The following BEND3 variants were observed in gnomAD, a reference collection of about 807,000 sequenced individuals.
The protein encoded by BEND3 is BEN domain-containing protein 3.
A neutral mutation model predicts 60.1 loss-of-function variants in BEND3; 13 were observed. That is an observed-to-expected ratio of 0.22 (90% CI 0.14 to 0.34). The LOEUF (loss-of-function observed/expected upper bound fraction) is 0.34, where lower values mean the gene tolerates loss of function less well. Ranked by LOEUF, BEND3 falls within the 10% of genes least tolerant of loss-of-function variation. BEND3 has a pLI of 1.00. For synonymous variants in BEND3, 497 were observed against 491.5 expected, an observed-to-expected ratio of 1.01 and a Z score of -0.15; for missense variants, 896 against 1,138.1, an observed-to-expected ratio of 0.79 and a Z score of 3.06.
chr6:107,072,152 C>T (rs562852923), intron 3 of BEND3, among the ~76,000 whole-genome samples: 3 of 152,208 alleles, frequency 2.0e-5, no homozygotes, highest in Non-Finnish European at 2.9e-5. Flanking sequence ...AGCAGGGAGC[C>T]TTTGCTCCCA....
chr6:107,093,618 C>T (rs1316785631), intron 3 of BEND3, among the ~76,000 whole-genome samples: 1 of 152,172 alleles, frequency 6.6e-6, no homozygotes, highest in Admixed American at 6.5e-5. Context: ...TGCATAAAGA[C>T]AGTCAACGGA....
Position 107,069,337 on chromosome 6 carries a change from C to T in BEND3, c.1854G>A (p.Val618=). The change falls in exon 4 of 4, where the codon GTG becomes GTA. Residue 618 remains valine (V), a synonymous_variant. Transcript: ENST00000369042. The part of the protein sequence containing the change: ...PSRIKLIRHY[V]QLLYPRAKND... ...TTTTGGCGCGTGGGTAGAGCAGCTG[C>T]ACGTAGTGGCGGATGAGCTTGATGC... 6.2e-7 allele frequency: 1 copy of T among 1,613,466 alleles called. No individual in the cohort carries two copies. Among genetic ancestry groups the T allele is most frequent in the Non-Finnish European group, 8.5e-7 (1 of 1,179,954 alleles).
chr6:107,100,690 C>A (rs1554236665), intron 1 of BEND3, among the ~76,000 whole-genome samples: 1 of 152,160 alleles, frequency 6.6e-6, no homozygotes, highest in East Asian at 1.9e-4. Context: ...ACAAAACAAA[C>A]AAAATTACCA....
intron 3 of BEND3, among the ~76,000 whole-genome samples, chr6:107,074,832 T>C (rs1775065490): frequency 6.6e-6 from 1 of 152,116 alleles, no homozygotes; most frequent in Non-Finnish European, 1.5e-5. Flanking sequence ...CCGGGCACGG[T>C]GGCTCATGCC....
intron 3 of BEND3, among the ~76,000 whole-genome samples, chr6:107,081,218 C>G (rs1450225942): frequency 6.7e-6 from 1 of 149,972 alleles, no homozygotes; most frequent in African/African-American, 2.5e-5. Context: ...TCAATTTACA[C>G]AAACTTTTTT....
At chr6:107,105,644 C>T (rs1775797804) in intron 1 of BEND3, among the ~76,000 whole-genome samples, 1 of 152,150 alleles carries the variant, frequency 6.6e-6, no homozygotes, top group Admixed American at 6.5e-5. Context: ...GCCTGTGGGC[C>T]GGGGAGTCAC....
chr6:107,086,197 T>G (rs1775343209), intron 3 of BEND3, among the ~76,000 whole-genome samples: 1 of 152,270 alleles, frequency 6.6e-6, no homozygotes, highest in Admixed American at 6.5e-5. Context: ...CAACTCCAGC[T>G]CCTGCCTTTC....
intron 1 of BEND3, among the ~76,000 whole-genome samples, chr6:107,105,213 A>G (rs1428297400): frequency 6.6e-6 from 1 of 152,010 alleles, no homozygotes; most frequent in Non-Finnish European, 1.5e-5. Context: ...TCTACTAAAA[A>G]TACAAAAATT....
chr6:107,080,595 G>C lies in BEND3; in HGVS notation c.241-9645C>G, dbSNP rs117737245. 8.9e-4 allele frequency among the ~76,000 whole-genome samples: 136 copies of C among 152,124 alleles called. 3 individuals are homozygous for C. The East Asian group carries it at 0.021, about 24-fold the overall frequency. ...CAGATGGATTGTTCTAAAGTCCCCAGGGTTGGCTGGGCACAGTGGCTCAAG... is the reference window on the plus strand; with the variant it reads ...CAGATGGATTGTTCTAAAGTCCCCACGGTTGGCTGGGCACAGTGGCTCAAG... On this transcript the variant is annotated intron_variant, in intron 3 of 3. Coordinates refer to ENST00000369042, the MANE Select transcript of BEND3 (RefSeq NM_001367314.1).
At chr6:107,091,549 T>C (rs1221231333) in intron 3 of BEND3, among the ~76,000 whole-genome samples, 1 of 152,154 alleles carries the variant, frequency 6.6e-6, no homozygotes, top group Non-Finnish European at 1.5e-5. Flanking sequence ...ACAAATTTGA[T>C]AACCTAGAGG....
At chr6:107,104,678 A>AT (rs781882799) in intron 1 of BEND3, among the ~76,000 whole-genome samples, 2,725 of 141,372 alleles carry the variant, frequency 0.019, 82 homozygotes, top group East Asian at 0.18. Flanking sequence ...TTTCTTTTGG[A>AT]TTTTTTTTTT....
chr6:107,098,798 G>T (rs1192882025), intron 2 of BEND3, 45 bp from the exon 3 acceptor site: 2 of 1,551,904 alleles, frequency 1.3e-6, no homozygotes, highest in African/African-American at 1.4e-5. Context: ...AACCAGGGCT[G>T]CTCAGAGATC....
At chr6:107,080,449 CCA>C (rs1554233394) in intron 3 of BEND3, among the ~76,000 whole-genome samples, 1 of 151,680 alleles carries the variant, frequency 6.6e-6, no homozygotes, top group East Asian at 1.9e-4. Flanking sequence ...CCACCCTACT[CCA>C]GTCACCATAT....
chr6:107,107,097 C>T (rs971171995), intron 1 of BEND3, among the ~76,000 whole-genome samples: 4 of 151,966 alleles, frequency 2.6e-5, no homozygotes, highest in Non-Finnish European at 5.9e-5. Context: ...CCACCACATC[C>T]GGCTAATTTT....
At position 107,092,729 on chromosome 6, in the gene BEND3, A is replaced by G. The variant is rs1047603615; in HGVS notation, c.240+5822T>C. 3.9e-5 allele frequency among the ~76,000 whole-genome samples: 6 copies of G among 152,228 alleles called. No individual in the cohort carries two copies. The East Asian group carries it at 9.6e-4, about 24-fold the overall frequency. Reference sequence around the variant, plus strand: ...ACATGATTGTCTATGTAGAACATCCAAAAGAATCCAAAAAACAACTGGAAC... The same window carrying G: ...ACATGATTGTCTATGTAGAACATCCGAAAGAATCCAAAAAACAACTGGAAC... On this transcript the variant is annotated intron_variant, in intron 3 of 3. Transcript: ENST00000369042.
intron 1 of BEND3, among the ~76,000 whole-genome samples, chr6:107,104,445 C>T (rs895998403): frequency 1.3e-5 from 2 of 152,026 alleles, no homozygotes; most frequent in African/African-American, 2.4e-5. Context: ...TATAGTCATG[C>T]CTTAGTATCC....
chr6:107,065,732 C>G lies in BEND3; in HGVS notation c.*2972G>C, dbSNP rs1774813108. On this transcript the variant is annotated 3_prime_UTR_variant, in exon 4 of 4. Coordinates refer to ENST00000369042, the MANE Select transcript of BEND3 (RefSeq NM_001367314.1). ...AACTTTTACCAATTAAATAGCCAAT[C>G]TATTCACCACTAAGTAGATCCCATT... is the stretch of plus-strand genomic sequence containing the variant. The G allele has an allele frequency of 6.6e-6, 1 of 152,208 alleles. No homozygotes were observed. Among genetic ancestry groups the G allele is most frequent in the Non-Finnish European group, 1.5e-5 (1 of 68,044 alleles). The allele number at this position is 152,208 out of a possible 1,614,324, so 9.4% of individuals were successfully genotyped here. A position where few individuals can be genotyped will look rare whatever the true frequency, so the allele number is the denominator to read the frequency against.
At chr6:107,102,282 C>G (rs553657778) in intron 1 of BEND3, among the ~76,000 whole-genome samples, 4 of 152,088 alleles carry the variant, frequency 2.6e-5, no homozygotes, top group Non-Finnish European at 4.4e-5. Flanking sequence ...TGGAGCCTGC[C>G]GGGAATGTGG....
chr6:107,093,479 A>C (rs1281887918), intron 3 of BEND3, among the ~76,000 whole-genome samples: 1 of 152,122 alleles, frequency 6.6e-6, no homozygotes, highest in African/African-American at 2.4e-5. Flanking sequence ...AAAAAAGAAA[A>C]GAACACAGTT....
Sources: allele counts gnomAD v4.1 joint callset (sites outside exome capture counted in the v4.1 genomes callset), GRCh38; gene constraint gnomAD v4.1.1; transcripts MANE v1.5; gene names NCBI Gene and HGNC (gene_info 2026-07-23, HGNC 2026-07-21).